FHIT: variants seen among roughly 807,000 people sequenced by gnomAD.
The protein encoded by FHIT is bis(5'-adenosyl)-triphosphatase.
Under a neutral mutation model 17.9 loss-of-function variants are expected in FHIT, and 19 were observed. The ratio of observed to expected loss-of-function variants is 1.06; its 90% CI spans 0.74 to 1.56. The LOEUF is 1.56. Ranked by LOEUF, FHIT falls within the 40% of genes most tolerant of loss-of-function variation. The pLI is 0.00. For synonymous variants in FHIT, 81 were observed against 69.7 expected (o/e 1.16, Z -0.81); for missense variants, 248 against 189.2 (o/e 1.31, Z -1.82).
chr3:60,420,908 T>A (rs1385045685), intron 5 of FHIT, among the ~76,000 whole-genome samples: 1 of 152,064 alleles, frequency 6.6e-6, no homozygotes, highest in East Asian at 1.9e-4. Flanking sequence ...CCACCCCACA[T>A]CGTATTACCA....
At chr3:61,034,058 C>A (rs1438993909) in intron 3 of FHIT, among the ~76,000 whole-genome samples, 3 of 152,108 alleles carry the variant, frequency 2.0e-5, no homozygotes, top group African/African-American at 7.2e-5. Context: ...AACTGAATAA[C>A]CACACATGCC....
chr3:60,254,543 C>T (rs1471566129), intron 5 of FHIT, among the ~76,000 whole-genome samples: 2 of 152,072 alleles, frequency 1.3e-5, no homozygotes, highest in Non-Finnish European at 2.9e-5. Flanking sequence ...ATTCCTCTAA[C>T]AAAATATAAC....
At chr3:60,704,913 A>C in intron 4 of FHIT, among the ~76,000 whole-genome samples, 1 of 152,146 alleles carries the variant, frequency 6.6e-6, no homozygotes, top group East Asian at 1.9e-4. Flanking sequence ...AGAAATGCCT[A>C]AAATTAAACT....
chr3:61,113,428 C>A (rs904024307), intron 2 of FHIT, among the ~76,000 whole-genome samples: 11 of 152,158 alleles, frequency 7.2e-5, no homozygotes, highest in African/African-American at 2.7e-4. Flanking sequence ...CAAAAGTCAA[C>A]CATATTAGTC....
intron 7 of FHIT, among the ~76,000 whole-genome samples, chr3:59,925,528 C>T (rs550378030): frequency 6.6e-6 from 1 of 152,308 alleles, no homozygotes; most frequent in East Asian, 1.9e-4. Flanking sequence ...CGAACCTGCA[C>T]TTGGGAACCT....
At chr3:60,187,344 A>C (rs1702199659) in intron 5 of FHIT, among the ~76,000 whole-genome samples, 1 of 152,218 alleles carries the variant, frequency 6.6e-6, no homozygotes, top group African/African-American at 2.4e-5. Flanking sequence ...GAAGTGGATG[A>C]GGCTGAAGTT....
At chr3:60,060,378 T>C (rs148909107) in intron 5 of FHIT, among the ~76,000 whole-genome samples, 1 of 152,318 alleles carries the variant, frequency 6.6e-6, no homozygotes, top group East Asian at 1.9e-4. Flanking sequence ...GTGTTATTGA[T>C]TGCTTGGAGA....
intron 5 of FHIT, among the ~76,000 whole-genome samples, chr3:60,384,328 C>A (rs192898544): frequency 6.6e-6 from 1 of 151,230 alleles, no homozygotes; most frequent in East Asian, 1.9e-4. Flanking sequence ...CTAATAATAA[C>A]TTCCATAATA....
intron 2 of FHIT, among the ~76,000 whole-genome samples, chr3:61,100,257 G>C (rs1332381293): frequency 6.6e-6 from 1 of 152,074 alleles, no homozygotes; most frequent in Non-Finnish European, 1.5e-5. Context: ...TCCCTGCCCT[G>C]TGTCCAAATG....
chr3:60,164,273 C>T (rs1415966114), intron 5 of FHIT, among the ~76,000 whole-genome samples: 1 of 152,120 alleles, frequency 6.6e-6, no homozygotes, highest in Admixed American at 6.5e-5. Flanking sequence ...TTATCAGCAG[C>T]CCCCACAGCA....
At chr3:61,092,730 T>G (rs1027776303) in intron 2 of FHIT, among the ~76,000 whole-genome samples, 4 of 152,200 alleles carry the variant, frequency 2.6e-5, no homozygotes, top group African/African-American at 9.6e-5. Context: ...TTCAATAAGA[T>G]GATATTTATG....
chr3:60,799,676 C>T (rs952884737), intron 4 of FHIT, among the ~76,000 whole-genome samples: 13 of 152,128 alleles, frequency 8.5e-5, no homozygotes, highest in Non-Finnish European at 1.0e-4. Flanking sequence ...ACTCCTTTTT[C>T]GGGGCTACTT....
At chr3:60,524,681 T>C (rs1039253599) in intron 5 of FHIT, among the ~76,000 whole-genome samples, 3 of 152,152 alleles carry the variant, frequency 2.0e-5, no homozygotes, top group South Asian at 4.2e-4. Flanking sequence ...CAGCTTCTGA[T>C]GGCTGTCAGC....
At chr3:60,939,115 T>A (rs1417544173) in intron 3 of FHIT, among the ~76,000 whole-genome samples, 1 of 152,204 alleles carries the variant, frequency 6.6e-6, no homozygotes, top group African/African-American at 2.4e-5. Flanking sequence ...ATACGCACAT[T>A]ACATTAAAGT....
chr3:59,966,294 C>T (rs569798507), intron 7 of FHIT, among the ~76,000 whole-genome samples: 2 of 152,312 alleles, frequency 1.3e-5, no homozygotes, highest in African/African-American at 4.8e-5. Context: ...CCAAGTCCCA[C>T]TGTAGCCAGA....
intron 3 of FHIT, among the ~76,000 whole-genome samples, chr3:60,958,330 A>G (rs1348497497): frequency 6.6e-6 from 1 of 152,252 alleles, no homozygotes. Flanking sequence ...CTGGAGAAGT[A>G]CAGTATATAC....
intron 4 of FHIT, among the ~76,000 whole-genome samples, chr3:60,785,431 T>G (rs1553726602): frequency 6.6e-6 from 1 of 152,174 alleles, no homozygotes; most frequent in African/African-American, 2.4e-5. Flanking sequence ...TATATTAAAC[T>G]CCCACGAAGA....
At chr3:60,007,921 G>T (rs1479960258) in intron 7 of FHIT, among the ~76,000 whole-genome samples, 1 of 152,068 alleles carries the variant, frequency 6.6e-6, no homozygotes, top group Non-Finnish European at 1.5e-5. Context: ...AATGGAAAAA[G>T]GTCAGAGAGT....
chr3:60,595,587 G>A (rs182419058), intron 4 of FHIT, among the ~76,000 whole-genome samples: 18 of 150,252 alleles, frequency 1.2e-4, no homozygotes, highest in Middle Eastern at 6.9e-3. Context: ...ACGCACATAC[G>A]TATGTGTATA....
Sources: allele counts gnomAD v4.1 joint callset (sites outside exome capture counted in the v4.1 genomes callset), GRCh38; gene constraint gnomAD v4.1.1; transcripts MANE v1.5; gene names NCBI Gene and HGNC (gene_info 2026-07-23, HGNC 2026-07-21).